Variants in FREM3 observed in about 807,000 individuals in gnomAD.
FREM3 encodes the protein FRAS1-related extracellular matrix protein 3.
A neutral mutation model predicts 129.1 loss-of-function variants in FREM3; 105 were observed. That is an observed-to-expected ratio of 0.81 (90% CI 0.69 to 0.96). The LOEUF (loss-of-function observed/expected upper bound fraction) is 0.96, where lower values mean the gene tolerates loss of function less well. Among genes scored for constraint, FREM3 ranks in the 40% least tolerant of loss-of-function variants. The pLI is 0.00. For missense variants in FREM3, 2,593 were observed against 2,666.3 expected (o/e 0.97, Z 0.61); for synonymous variants, 1,014 against 1,044.9 (o/e 0.97, Z 0.57).
At chr4:143,660,122 A>G (rs1332730827) in intron 2 of FREM3, among the ~76,000 whole-genome samples, 48 of 150,560 alleles carry the variant, frequency 3.2e-4, no homozygotes, top group Middle Eastern at 3.4e-3. Flanking sequence ...TTTTGTTGCC[A>G]TTGCTTTTGG....
intron 2 of FREM3, among the ~76,000 whole-genome samples, chr4:143,663,934 A>G (rs1229461033): frequency 1.3e-5 from 2 of 152,076 alleles, no homozygotes; most frequent in African/African-American, 2.4e-5. Flanking sequence ...TTTCAGCTCC[A>G]TCAGCTCCTT....
Position 143,627,737 on chromosome 4 carries a change from G to T in FREM3, c.5299C>A (p.Pro1767Thr), listed in dbSNP as rs1181766773. ...DNGGNKLTNQPFHLNWAWICL... is the reference protein window; with the variant it reads ...DNGGNKLTNQTFHLNWAWICL... Reference sequence around the variant, plus strand: ...ATCCAAGCCCAGTTTAGATGGAAAGGCTGATTTGTTAGTTTATTTCCTCCT... The same window carrying T: ...ATCCAAGCCCAGTTTAGATGGAAAGTCTGATTTGTTAGTTTATTTCCTCCT... The change falls in exon 3 of 8, where the codon CCT becomes ACT. Residue 1767 changes from proline to threonine, a missense_variant. By Grantham distance (38) the Pro-to-Thr change is conservative. Around this residue, in one of 2 missense-constraint regions of FREM3, gnomAD observed 2,276 missense variants for 2,267.2 expected, o/e 1.00. Coordinates refer to ENST00000329798, the MANE Select transcript of FREM3 (RefSeq NM_001168235.2). 9.1e-6 allele frequency: 14 copies of T among 1,535,350 alleles called. No homozygotes were observed. In the Middle Eastern group the frequency reaches 5.0e-4, roughly 55 times the overall value.
chr4:143,614,405 TTC>T (rs1738810336), intron 5 of FREM3, among the ~76,000 whole-genome samples: 1 of 152,198 alleles, frequency 6.6e-6, no homozygotes, highest in African/African-American at 2.4e-5. Flanking sequence ...ATCAAATATA[TTC>T]TGAGATAAAA....
Position 143,700,487 on chromosome 4 carries a change from C to A in FREM3, c.189G>T (p.Leu63=). Residue 63 remains leucine (L), a synonymous_variant, in exon 1 of 8, where the codon CTG becomes CTT. Coordinates refer to ENST00000329798, the MANE Select transcript of FREM3 (RefSeq NM_001168235.2). The part of the protein sequence containing the change: ...DGTRPDGPSV[L]IANPGLRVPL... ...GCACCCGGAGTCCAGGGTTGGCAAT[C>A]AGCACGCTGGGGCCGTCGGGGCGAG... 2.6e-6 allele frequency: 4 copies of A among 1,511,010 alleles called. No individual in the cohort carries two copies. Among genetic ancestry groups the A allele is most frequent in the Non-Finnish European group, 2.6e-6 (3 of 1,132,468 alleles). The allele number at this position is 1,511,010 out of a possible 1,614,324, so 93.6% of individuals were successfully genotyped here.
At chr4:143,606,164 G>C (rs1045367700) in intron 6 of FREM3, among the ~76,000 whole-genome samples, 1 of 152,136 alleles carries the variant, frequency 6.6e-6, no homozygotes. Context: ...AGAATGAGAC[G>C]ATGCTACAGA....
At chr4:143,666,755 A>G (rs1192321944) in intron 2 of FREM3, among the ~76,000 whole-genome samples, 1 of 152,120 alleles carries the variant, frequency 6.6e-6, no homozygotes, top group African/African-American at 2.4e-5. Flanking sequence ...TAATAAATAA[A>G]GGGTTTCTGT....
At chr4:143,695,326 C>T (rs781700515) in intron 1 of FREM3, among the ~76,000 whole-genome samples, 165 bp downstream of exon 1, 5 of 152,160 alleles carry the variant, frequency 3.3e-5, no homozygotes, top group Admixed American at 6.5e-5. Flanking sequence ...TGAAAAAGGA[C>T]TTGTTGCCTT....
chr4:143,606,018 G>A (rs1738662317), intron 6 of FREM3, among the ~76,000 whole-genome samples: 1 of 152,072 alleles, frequency 6.6e-6, no homozygotes. Flanking sequence ...GGCAAAATGT[G>A]CCAGCCCCTT....
At chr4:143,689,676 A>G (rs1218223759) in intron 2 of FREM3, among the ~76,000 whole-genome samples, 2 of 152,098 alleles carry the variant, frequency 1.3e-5, no homozygotes, top group Non-Finnish European at 2.9e-5. Context: ...TGTGATATAT[A>G]TATATATGAT....
intron 2 of FREM3, among the ~76,000 whole-genome samples, chr4:143,644,311 T>C (rs375773304): frequency 2.0e-5 from 3 of 152,294 alleles, no homozygotes; most frequent in African/African-American, 7.2e-5. Context: ...TTTTTTGTCT[T>C]TATGCATACG....
Position 143,585,991 on chromosome 4 carries a change from G to C in FREM3, c.6031C>G (p.Pro2011Ala). Reference protein sequence around the residue: ...VTILADRYDEPVLHFGDAEYH... With the variant: ...VTILADRYDEAVLHFGDAEYH... ...TCAGCATCCCCAAAGTGCAGGACAG[G>C]TTCTAAAGAGGCAAAAAAAGATACA... The change falls in exon 7 of 8, where the codon CCT (proline) becomes GCT (alanine). Residue 2011 changes from proline (P) to alanine (A), a missense_variant and splice_region_variant. This residue lies in a region of FREM3 where 317 missense variants were observed against 399.0 expected (regional missense o/e 0.79). Coordinates refer to ENST00000329798, the MANE Select transcript of FREM3 (RefSeq NM_001168235.2). The surrounding 1 kb of genome is among the most constrained non-coding windows in gnomAD (Gnocchi z 4.2). 2 of 1,537,532 alleles carry C rather than the reference G, an allele frequency of 1.3e-6. No individual in the cohort carries two copies. The highest frequency in any genetic ancestry group is 1.7e-6 in the Non-Finnish European group (2 of 1,146,968).
chr4:143,679,062 T>C (rs1344053241), intron 2 of FREM3, among the ~76,000 whole-genome samples: 2 of 152,212 alleles, frequency 1.3e-5, no homozygotes, highest in East Asian at 3.8e-4. Context: ...AGTTTAATTG[T>C]TGTTTAACCA....
intron 2 of FREM3, among the ~76,000 whole-genome samples, chr4:143,661,937 C>T (rs1399916208): frequency 6.6e-6 from 1 of 151,906 alleles, no homozygotes; most frequent in Non-Finnish European, 1.5e-5. Flanking sequence ...GTGGTGATAT[C>T]CCCTTTATCA....
chr4:143,692,238 G>C (rs1455900996), intron 2 of FREM3, among the ~76,000 whole-genome samples: 2 of 152,094 alleles, frequency 1.3e-5, no homozygotes, highest in Non-Finnish European at 2.9e-5. Flanking sequence ...AATGAATGAA[G>C]AGGACAAGGT....
At chr4:143,618,975 T>C (rs1355339301) in intron 5 of FREM3, among the ~76,000 whole-genome samples, 1 of 152,128 alleles carries the variant, frequency 6.6e-6, no homozygotes, top group Non-Finnish European at 1.5e-5. Context: ...AATGCATAAC[T>C]AAACTCCCAC....
intron 2 of FREM3, among the ~76,000 whole-genome samples, chr4:143,639,498 C>T (rs1303125355): frequency 6.6e-6 from 1 of 152,154 alleles, no homozygotes; most frequent in Non-Finnish European, 1.5e-5. Context: ...TCAGGTTTAA[C>T]GTTCTGTGAT....
intron 2 of FREM3, among the ~76,000 whole-genome samples, chr4:143,662,654 C>G (rs1739758525): frequency 6.6e-6 from 1 of 151,964 alleles, no homozygotes; most frequent in Non-Finnish European, 1.5e-5. Flanking sequence ...CTTTCTTTCT[C>G]ATTGATCTGT....
At position 143,700,317 on chromosome 4, in the gene FREM3, C is replaced by T. The variant is rs1192229040; in HGVS notation, c.359G>A (p.Gly120Glu). The stretch of plus-strand genomic sequence containing the variant: ...GTGAGTGTACTGGACTTGGCGGGGC[C>T]CGAAGGTGCAGGGGAAGCGGCGCGG... ...LSPRRFPCTFGPRQVQYTHFG... is the reference protein window; with the variant it reads ...LSPRRFPCTFEPRQVQYTHFG... Residue 120 changes from glycine to glutamate, a missense_variant, in exon 1 of 8, where the codon GGG (glycine) becomes GAG (glutamate). Gly to Glu is a moderately conservative substitution (Grantham distance 98). Coordinates refer to ENST00000329798, the MANE Select transcript of FREM3 (RefSeq NM_001168235.2). The T allele has an allele frequency of 1.3e-6, 2 of 1,535,104 alleles. No individual in the cohort carries two copies. Among genetic ancestry groups the T allele is most frequent in the Admixed American group, 3.9e-5 (2 of 50,934 alleles).
At chr4:143,661,426 C>A (rs1484342864) in intron 2 of FREM3, among the ~76,000 whole-genome samples, 1 of 151,776 alleles carries the variant, frequency 6.6e-6, no homozygotes, top group Non-Finnish European at 1.5e-5. Flanking sequence ...GCCTTGCATC[C>A]CAGGGATGAA....
Sources: allele counts gnomAD v4.1 joint callset (sites outside exome capture counted in the v4.1 genomes callset), GRCh38; gene constraint gnomAD v4.1.1; regional missense constraint gnomAD v4.1.1; non-coding constraint Gnocchi (gnomAD v3.1); transcripts MANE v1.5; gene names NCBI Gene and HGNC (gene_info 2026-07-23, HGNC 2026-07-21).